Variants in THSD4 observed in about 807,000 individuals in gnomAD.
THSD4 encodes thrombospondin type 1 domain containing 4.
THSD4 carries 69 observed loss-of-function variants against 119.0 expected under a neutral mutation model. The observed-to-expected ratio is 0.58, with a 90% CI of 0.48 to 0.71. The LOEUF (loss-of-function observed/expected upper bound fraction) is 0.71. Among genes scored for constraint, THSD4 ranks in the 30% least tolerant of loss-of-function variants. The probability of loss-of-function intolerance (pLI) is 0.00; values close to 1 mark genes in which losing one functional copy is unlikely to be tolerated. For missense variants in THSD4, 1,393 were observed against 1,391.1 expected (o/e 1.00, Z -0.02); for synonymous variants, 524 against 540.4 (o/e 0.97, Z 0.42).
At chr15:71,617,955 C>T (rs907847944) in intron 7 of THSD4, among the ~76,000 whole-genome samples, 1 of 152,162 alleles carries the variant, frequency 6.6e-6, no homozygotes, top group African/African-American at 2.4e-5. Context: ...TTTACCAATT[C>T]CCCCCTGGCT....
intron 7 of THSD4, among the ~76,000 whole-genome samples, chr15:71,578,241 C>G (rs545091603): frequency 6.6e-6 from 1 of 151,318 alleles, no homozygotes; most frequent in South Asian, 2.1e-4. Context: ...ACTGGTGCAT[C>G]TTGTAAGCGG....
intron 7 of THSD4, among the ~76,000 whole-genome samples, chr15:71,434,434 CTTTT>C (rs34097873): frequency 0.042 from 3,493 of 82,556 alleles, 132 homozygotes; most frequent in South Asian, 0.19. Flanking sequence ...TCAGTGGTCC[CTTTT>C]TTTTTTTTTT....
chr15:71,116,797 C>T (rs116930590), intron 1 of THSD4, among the ~76,000 whole-genome samples: 1 of 151,992 alleles, frequency 6.6e-6, no homozygotes, highest in South Asian at 2.1e-4. Flanking sequence ...TTAAAATCCG[C>T]GTGTCTTCTA....
At chr15:71,282,967 T>A (rs1046192242) in intron 6 of THSD4, among the ~76,000 whole-genome samples, 1 of 106,534 alleles carries the variant, frequency 9.4e-6, no homozygotes, top group Non-Finnish European at 1.8e-5. Context: ...GCAGGTTAGA[T>A]TTTTTTTTTT....
intron 8 of THSD4, among the ~76,000 whole-genome samples, chr15:71,702,540 C>T (rs373532393): frequency 2.0e-5 from 3 of 152,104 alleles, no homozygotes; most frequent in African/African-American, 7.2e-5. Flanking sequence ...CAACTTCTGC[C>T]CCTCCTATGC....
At chr15:71,173,525 GGAATA>G (rs2043404654) in intron 3 of THSD4, among the ~76,000 whole-genome samples, 3 of 146,178 alleles carry the variant, frequency 2.1e-5, no homozygotes, top group Non-Finnish European at 4.5e-5. Flanking sequence ...AATAGATAAT[GGAATA>G]GAATAGAGCA....
At chr15:71,673,643 T>C (rs2051578507) in intron 8 of THSD4, among the ~76,000 whole-genome samples, 1 of 152,222 alleles carries the variant, frequency 6.6e-6, no homozygotes, top group South Asian at 2.1e-4. Context: ...ATAAATTTCC[T>C]TCTGCACACT....
chr15:71,215,921 G>C (rs992313267), intron 4 of THSD4, among the ~76,000 whole-genome samples: 11 of 152,192 alleles, frequency 7.2e-5, no homozygotes, highest in Non-Finnish European at 1.6e-4. Flanking sequence ...AGTTTTTTGA[G>C]TCAACACATT....
Position 71,256,725 on chromosome 15 carries a change from G to C in THSD4, c.1015+10G>C. 1 of 1,608,398 alleles carries C rather than the reference G, an allele frequency of 6.2e-7. No individual in the cohort carries two copies. Among genetic ancestry groups the C allele is most frequent in the Non-Finnish European group, 8.5e-7 (1 of 1,176,590 alleles). ...GAACCATTTGCAGAAGGTAAGAATA[G>C]ACCCAGCCCTGTCCATAGAAGTTAC... is the stretch of plus-strand genomic sequence containing the variant. On this transcript the variant is annotated intron_variant, in intron 6 of 17. Transcript: ENST00000261862.
chr15:71,610,759 C>G (rs752924757), intron 7 of THSD4, among the ~76,000 whole-genome samples: 17 of 152,186 alleles, frequency 1.1e-4, no homozygotes, highest in Non-Finnish European at 1.8e-4. Flanking sequence ...CTTTATAGCT[C>G]TTTCCTTACA....
At chr15:71,724,604 G>A (rs1052569467) in intron 8 of THSD4, among the ~76,000 whole-genome samples, 18 of 152,070 alleles carry the variant, frequency 1.2e-4, no homozygotes, top group African/African-American at 4.3e-4. Context: ...TAGAGCAATA[G>A]AAAGCCATTG....
In THSD4 at chr15:71,732,625, C is replaced by T. The variant is rs760453242; in HGVS notation, c.1630+1408C>T. The T allele has an allele frequency of 3.9e-5, 6 of 152,192 alleles. No homozygotes were observed. In the South Asian group the frequency reaches 8.3e-4, roughly 21 times the overall value. The allele number at this position is 152,192 out of a possible 1,614,324, so 9.4% of individuals were successfully genotyped here. A position where few individuals can be genotyped will look rare whatever the true frequency, so the allele number is the denominator to read the frequency against. On this transcript the variant is annotated intron_variant, in intron 10 of 17. Coordinates refer to ENST00000261862, the MANE Select transcript of THSD4 (RefSeq NM_024817.3). ...TGCGTAGATTAGTTCTTTGAATTCT[C>T]ATGACAGAGGGAGGTACTTGGAGGG... is the stretch of plus-strand genomic sequence containing the variant.
chr15:71,470,313 A>C (rs1164610050), intron 7 of THSD4, among the ~76,000 whole-genome samples: 1 of 152,172 alleles, frequency 6.6e-6, no homozygotes, highest in African/African-American at 2.4e-5. Flanking sequence ...ACCTGAGGGA[A>C]CCAATAAAAT....
At chr15:71,770,346 T>TAAA (rs71131707) in intron 16 of THSD4, among the ~76,000 whole-genome samples, 44 of 127,472 alleles carry the variant, frequency 3.5e-4, no homozygotes, top group African/African-American at 1.1e-3. Flanking sequence ...ATATGTCCTT[T>TAAA]AAAAAAAAAA....
chr15:71,488,786 C>A (rs890185440), intron 7 of THSD4, among the ~76,000 whole-genome samples: 3 of 152,090 alleles, frequency 2.0e-5, no homozygotes, highest in African/African-American at 7.2e-5. Flanking sequence ...ATTTACTATT[C>A]CCCGCCCCTT....
chr15:71,462,504 T>G (rs953064564), intron 7 of THSD4, among the ~76,000 whole-genome samples: 1 of 152,194 alleles, frequency 6.6e-6, no homozygotes, highest in Non-Finnish European at 1.5e-5. Context: ...ACTTAAGACA[T>G]GAAAGATGAT....
chr15:71,290,538 T>C (rs1172288468), intron 6 of THSD4, among the ~76,000 whole-genome samples: 1 of 150,308 alleles, frequency 6.7e-6, no homozygotes, highest in African/African-American at 2.5e-5. Flanking sequence ...CATTCAACAC[T>C]TGTAAAAGTT....
chr15:71,636,011 C>T (rs2050731927), intron 7 of THSD4, among the ~76,000 whole-genome samples: 1 of 152,150 alleles, frequency 6.6e-6, no homozygotes, highest in Admixed American at 6.5e-5. Context: ...GTTCATAACC[C>T]TTTGTTATCC....
chr15:71,351,846 G>A (rs1439236831), intron 6 of THSD4, among the ~76,000 whole-genome samples: 2 of 152,080 alleles, frequency 1.3e-5, no homozygotes, highest in Non-Finnish European at 2.9e-5. Flanking sequence ...TCCCTTCCAG[G>A]GGCCATATAG....
Sources: allele counts gnomAD v4.1 joint callset (sites outside exome capture counted in the v4.1 genomes callset), GRCh38; gene constraint gnomAD v4.1.1; transcripts MANE v1.5; gene names NCBI Gene and HGNC (gene_info 2026-07-23, HGNC 2026-07-21).